PRKRA: variants seen among roughly 807,000 people sequenced by gnomAD.
PRKRA encodes the protein protein activator of interferon induced protein kinase EIF2AK2, also known as interferon-inducible double-stranded RNA-dependent protein kinase activator A.
PRKRA carries 22 observed loss-of-function variants against 32.4 expected under a neutral mutation model. The ratio of observed to expected loss-of-function variants is 0.68; its 90% confidence interval spans 0.49 to 0.97. The LOEUF (loss-of-function observed/expected upper bound fraction) is 0.97. Ranked by LOEUF, PRKRA falls within the 50% of genes least tolerant of loss-of-function variation. PRKRA has a pLI of 0.00. For missense variants in PRKRA, 319 were observed against 375.6 expected (o/e 0.85, Z 1.25); for synonymous variants, 139 against 129.8 (o/e 1.07, Z -0.48).
chr2:178,431,699 G>T lies in PRKRA; in HGVS notation c.*398C>A. 3.8e-6 allele frequency: 1 copy of T among 264,284 alleles called. No homozygotes were observed. Among genetic ancestry groups the T allele is most frequent in the Non-Finnish European group, 7.4e-6 (1 of 135,424 alleles). The allele number at this position is 264,284 out of a possible 1,614,324, so 16.4% of individuals were successfully genotyped here. On this transcript the variant is annotated 3_prime_UTR_variant, in exon 8 of 8. Coordinates refer to ENST00000325748, the MANE Select transcript of PRKRA (RefSeq NM_003690.5). ...AAGGCCTGTTAGTGCTGTCCCTCAAGACTCTAATTCTAAAGGGCTTCCTTT... is the reference window on the plus strand; with the variant it reads ...AAGGCCTGTTAGTGCTGTCCCTCAATACTCTAATTCTAAAGGGCTTCCTTT...
At chr2:178,450,736 G>GCGTCACCTCCGCCCGCC in intron 1 of PRKRA, 1 of 1,365,872 alleles carries the variant, frequency 7.3e-7, no homozygotes, top group Non-Finnish European at 9.4e-7. Context: ...CGCCGACCGA[G>GCGTCACCTCCGCCCGCC]CGTCACCTCC....
chr2:178,450,127 C>T (rs1697506470), intron 2 of PRKRA, 115 bp downstream of exon 2: 7 of 1,277,068 alleles, frequency 5.5e-6, no homozygotes, highest in Non-Finnish European at 2.2e-6. Flanking sequence ...GTCTCAGTTT[C>T]AGAGCCTGTT....
intron 3 of PRKRA, among the ~76,000 whole-genome samples, chr2:178,446,992 CAAAAAAAA>C (rs780283451): frequency 2.2e-5 from 1 of 46,088 alleles, no homozygotes; most frequent in Non-Finnish European, 4.4e-5. Context: ...GACTCCGTCT[CAAAAAAAA>C]AAAAAAAAAA....
intron 5 of PRKRA, among the ~76,000 whole-genome samples, 175 bp downstream of exon 5, chr2:178,443,088 CTAAG>C (rs1409666163): frequency 6.6e-6 from 1 of 152,138 alleles, no homozygotes; most frequent in Non-Finnish European, 1.5e-5. Context: ...ATTAAGAAGA[CTAAG>C]TATCTTAAGC....
chr2:178,448,661 A>T (rs1204672455), intron 2 of PRKRA, among the ~76,000 whole-genome samples: 1 of 152,230 alleles, frequency 6.6e-6, no homozygotes, highest in East Asian at 1.9e-4. Context: ...GTAAACGTGT[A>T]GCTACAAGAC....
chr2:178,447,521 C>T lies in PRKRA; in HGVS notation c.301G>A (p.Ala101Thr). 1.9e-6 allele frequency: 3 copies of T among 1,614,122 alleles called. No homozygotes were observed. The highest frequency in any genetic ancestry group is 2.5e-6 in the Non-Finnish European group (3 of 1,179,976). ...TTAGCTCACCAAATACTTGCATTGGCTTTCAAAATGTTTATGGCAGCCTCT... is the reference window on the plus strand; with the variant it reads ...TTAGCTCACCAAATACTTGCATTGGTTTTCAAAATGTTTATGGCAGCCTCT... ...AAEAAINILK[A>T]NASICFAVPD... The change falls in exon 3 of 8, where the codon GCC becomes ACC. Residue 101 changes from alanine to threonine, a missense_variant. Transcript: ENST00000325748.
At position 178,432,019 on chromosome 2, in the gene PRKRA, G is replaced by A. The variant is rs1240764600; in HGVS notation, c.*78C>T. 23 of 1,483,448 alleles carry A rather than the reference G, an allele frequency of 1.6e-5. No individual in the cohort carries two copies. The highest frequency in any genetic ancestry group is 8.1e-5 in the South Asian group (7 of 86,196). 91.9% of individuals were successfully genotyped at this position (1,483,448 alleles called of 1,614,324 possible). A position where few individuals can be genotyped will look rare whatever the true frequency, so the allele number is the denominator to read the frequency against. On this transcript the variant is annotated 3_prime_UTR_variant, in exon 8 of 8. Transcript: ENST00000325748. ...TTTAGAAACAAGACATAAACACTAC[G>A]GTAAAAGTTTTACTTGGGAAGGGGC...
intron 5 of PRKRA, among the ~76,000 whole-genome samples, chr2:178,443,030 CA>C (rs1225300923): frequency 6.6e-6 from 1 of 151,936 alleles, no homozygotes; most frequent in Admixed American, 6.6e-5. Flanking sequence ...AGTACAGAGC[CA>C]ACAGTTTGTC....
rs1696682753 is a variant in PRKRA at position 178,432,176 on chromosome 2, C to G, written c.863G>C (p.Gly288Ala). 1 of 1,614,080 alleles carries G rather than the reference C, an allele frequency of 6.2e-7. No homozygotes were observed. Among genetic ancestry groups the G allele is most frequent in the Non-Finnish European group, 8.5e-7 (1 of 1,180,040 alleles). Residue 288 changes from glycine to alanine, a missense_variant, in exon 8 of 8, where the codon GGT (glycine) becomes GCT (alanine). Coordinates refer to ENST00000325748, the MANE Select transcript of PRKRA (RefSeq NM_003690.5). ...TSPITVCHGS[G>A]ISCGNAQSDA... is the part of the protein sequence containing the mutation. ...ACTTTGTGCATTGCCACAGGAGATA[C>G]CGGAGCCATGACAGACTGTGATGGG...
At chr2:178,439,031 A>AGG (rs1697017184) in intron 6 of PRKRA, 1 of 152,200 alleles carries the variant, frequency 6.6e-6, no homozygotes, top group Admixed American at 6.5e-5. Flanking sequence ...AAATATATTT[A>AGG]CAATGTTTTC....
At chr2:178,444,009 A>T (rs1044972670) in intron 4 of PRKRA, 21 of 169,838 alleles carry the variant, frequency 1.2e-4, no homozygotes, top group South Asian at 2.5e-4. Context: ...TATAGATAAA[A>T]TTTTTTTTTT....
intron 2 of PRKRA, 130 bp downstream of exon 2, chr2:178,450,112 G>A (rs561802181): frequency 1.7e-6 from 2 of 1,162,364 alleles, no homozygotes; most frequent in Non-Finnish European, 2.6e-6. Context: ...GACCTGAGAT[G>A]AGAGGTCTCA....
At chr2:178,449,043 A>G (rs917106901) in intron 2 of PRKRA, among the ~76,000 whole-genome samples, 3 of 152,240 alleles carry the variant, frequency 2.0e-5, no homozygotes, top group Admixed American at 6.5e-5. Flanking sequence ...GTAGACAGAC[A>G]TTTCAGAATA....
chr2:178,436,689 A>G (rs957306634), intron 6 of PRKRA, among the ~76,000 whole-genome samples: 6 of 152,198 alleles, frequency 3.9e-5, no homozygotes, highest in Non-Finnish European at 8.8e-5. Context: ...AGATTAAAAT[A>G]TAGAACAATT....
In PRKRA at chr2:178,451,048, C is replaced by T. The variant is rs1457240648; in HGVS notation, c.-18G>A. The T allele has an allele frequency of 5.8e-6, 9 of 1,554,490 alleles. No homozygotes were observed. Among genetic ancestry groups the T allele is most frequent in the East Asian group, 2.4e-5 (1 of 41,308 alleles). On this transcript the variant is annotated 5_prime_UTR_variant, in exon 1 of 8. Coordinates refer to ENST00000325748, the MANE Select transcript of PRKRA (RefSeq NM_003690.5). Reference sequence around the variant, plus strand: ...TGGGACATGGCGAGAAGGGACGGCTCAGCGGCTGGAGGAAGAGCGGTGCGG... The same window carrying T: ...TGGGACATGGCGAGAAGGGACGGCTTAGCGGCTGGAGGAAGAGCGGTGCGG...
intron 3 of PRKRA, chr2:178,447,267 T>TAAAA: frequency 2.0e-6 from 1 of 497,300 alleles, no homozygotes; most frequent in Non-Finnish European, 3.4e-6. Context: ...TGTATCCCAT[T>TAAAA]AAAAAAAAAA....
At chr2:178,435,838 GAGTT>G (rs765824581) in intron 7 of PRKRA, among the ~76,000 whole-genome samples, 9 of 152,204 alleles carry the variant, frequency 5.9e-5, no homozygotes, top group African/African-American at 2.2e-4. Context: ...TTGCTTCATA[GAGTT>G]AGTCTGAGGA....
At chr2:178,450,215 T>C (rs751509199) in intron 2 of PRKRA, 27 bp downstream of exon 2, 2 of 1,614,180 alleles carry the variant, frequency 1.2e-6, no homozygotes, top group Non-Finnish European at 1.7e-6. Flanking sequence ...ACCCACTCGG[T>C]CATCCAGGTT....
rs752176910 is a variant in PRKRA at position 178,450,398 on chromosome 2, T to C, written c.79A>G (p.Ile27Val). The change falls in exon 2 of 8, where the codon ATA becomes GTA. Residue 27 changes from isoleucine (I) to valine (V), a missense_variant. Ile to Val is a conservative substitution (Grantham distance 29, BLOSUM62 3). Transcript: ENST00000325748. ...GGTGTTTTCCCTGGCTTAGCTGTTA[T>C]CATCTTCCCCAAACTGCAAAAACCA... ...DSGTFSLGKMITAKPGKTPIQ... is the reference protein window; with the variant it reads ...DSGTFSLGKMVTAKPGKTPIQ... 13 of 1,614,134 alleles carry C rather than the reference T, an allele frequency of 8.1e-6. No homozygotes were observed. Among genetic ancestry groups the C allele is most frequent in the South Asian group, 1.1e-5 (1 of 91,092 alleles).
Sources: allele counts gnomAD v4.1 joint callset (sites outside exome capture counted in the v4.1 genomes callset), GRCh38; gene constraint gnomAD v4.1.1; transcripts MANE v1.5; gene names NCBI Gene and HGNC (gene_info 2026-07-23, HGNC 2026-07-21).